Variants in LRRC4C observed in about 807,000 individuals in gnomAD.
The protein encoded by LRRC4C is leucine-rich repeat-containing protein 4C.
Under a neutral mutation model 33.6 loss-of-function variants are expected in LRRC4C, and 5 were observed. The observed-to-expected ratio is 0.15, with a 90% confidence interval of 0.08 to 0.31. The LOEUF is 0.31. Ranked by LOEUF, LRRC4C falls within the 10% of genes least tolerant of loss-of-function variation. The pLI is 1.00. For synonymous variants in LRRC4C, 329 were observed against 302.0 expected, an observed-to-expected ratio of 1.09 and a Z score of -0.93; for missense variants, 560 against 796.7, an observed-to-expected ratio of 0.70 and a Z score of 3.58.
At chr11:40,546,067 TTCC>T (rs1474419227) in intron 3 of LRRC4C, among the ~76,000 whole-genome samples, 2 of 130,094 alleles carry the variant, frequency 1.5e-5, no homozygotes, top group Non-Finnish European at 3.1e-5. Flanking sequence ...TCTTCCTTCC[TTCC>T]TTCCTTCCTT....
chr11:40,624,333 C>A (rs966782296), intron 3 of LRRC4C, among the ~76,000 whole-genome samples: 2 of 152,014 alleles, frequency 1.3e-5, no homozygotes, highest in Non-Finnish European at 2.9e-5. Context: ...CTCATTTTGT[C>A]CCCCATTACT....
chr11:40,269,235 A>G (rs1159282192), intron 4 of LRRC4C, among the ~76,000 whole-genome samples: 1 of 152,178 alleles, frequency 6.6e-6, no homozygotes, highest in African/African-American at 2.4e-5. Context: ...TAAAATCTCT[A>G]TTTAGCTTAA....
At chr11:40,257,112 C>T (rs755532363) in intron 4 of LRRC4C, among the ~76,000 whole-genome samples, 2 of 152,052 alleles carry the variant, frequency 1.3e-5, no homozygotes, top group African/African-American at 4.8e-5. Context: ...AATAAGTTGA[C>T]CCCTTGCCAA....
At chr11:40,305,122 G>A (rs905409693) in intron 4 of LRRC4C, among the ~76,000 whole-genome samples, 1 of 152,146 alleles carries the variant, frequency 6.6e-6, no homozygotes, top group Non-Finnish European at 1.5e-5. Context: ...CTCGAATAGG[G>A]CCTTGGCCCT....
At chr11:41,027,095 C>A (rs1258062714) in intron 1 of LRRC4C, among the ~76,000 whole-genome samples, 1 of 151,562 alleles carries the variant, frequency 6.6e-6, no homozygotes, top group Non-Finnish European at 1.5e-5. Context: ...AATAATGTAG[C>A]AAGTGCCTAA....
chr11:41,161,999 A>C (rs2136033113), intron 1 of LRRC4C, among the ~76,000 whole-genome samples: 1 of 152,306 alleles, frequency 6.6e-6, no homozygotes, highest in African/African-American at 2.4e-5. Context: ...TTATTTCTAT[A>C]GGATTGGAAT....
intron 4 of LRRC4C, among the ~76,000 whole-genome samples, chr11:40,318,494 A>T (rs1945685156): frequency 6.6e-6 from 1 of 152,152 alleles, no homozygotes. Flanking sequence ...CCTTCTACAG[A>T]TACTTGGCTT....
chr11:40,195,797 C>T (rs974022594), intron 5 of LRRC4C, among the ~76,000 whole-genome samples: 3 of 151,464 alleles, frequency 2.0e-5, no homozygotes, highest in Admixed American at 1.3e-4. Context: ...ATTTGATTAG[C>T]ATGTCCAAAA....
At chr11:40,701,721 T>G (rs778357156) in intron 2 of LRRC4C, among the ~76,000 whole-genome samples, 4 of 151,520 alleles carry the variant, frequency 2.6e-5, no homozygotes, top group Admixed American at 2.6e-4. Flanking sequence ...GTAACCAACA[T>G]GAAAAATCCT....
At chr11:40,128,422 A>C (rs887714245) in intron 6 of LRRC4C, among the ~76,000 whole-genome samples, 2 of 152,220 alleles carry the variant, frequency 1.3e-5, no homozygotes, top group Non-Finnish European at 2.9e-5. Flanking sequence ...ATTATATGTT[A>C]TCTTCATTTC....
At chr11:40,126,452 T>G (rs1205281549) in intron 6 of LRRC4C, among the ~76,000 whole-genome samples, 1 of 151,680 alleles carries the variant, frequency 6.6e-6, no homozygotes, top group Admixed American at 6.6e-5. Context: ...TGTGCTGGAG[T>G]GTATAATAAG....
chr11:40,519,424 A>C (rs1033612225), intron 3 of LRRC4C, among the ~76,000 whole-genome samples: 7 of 152,290 alleles, frequency 4.6e-5, no homozygotes, highest in African/African-American at 1.4e-4. Context: ...TACCAAAGAC[A>C]CAATGATTTC....
intron 4 of LRRC4C, among the ~76,000 whole-genome samples, chr11:40,313,439 T>C (rs954266644): frequency 1.3e-5 from 2 of 151,896 alleles, no homozygotes; most frequent in Non-Finnish European, 2.9e-5. Context: ...GGAAGGGCCA[T>C]CTGTTCAATA....
intron 4 of LRRC4C, among the ~76,000 whole-genome samples, chr11:40,318,825 G>A (rs901716569): frequency 1.3e-5 from 2 of 152,164 alleles, no homozygotes; most frequent in African/African-American, 4.8e-5. Flanking sequence ...ATAAATGGTA[G>A]TAGTCTACTA....
At chr11:40,450,830 A>C (rs2138073160) in intron 3 of LRRC4C, among the ~76,000 whole-genome samples, 1 of 151,922 alleles carries the variant, frequency 6.6e-6, no homozygotes, top group South Asian at 2.1e-4. Flanking sequence ...AGCCCAATGT[A>C]ATTAAATGAG....
At chr11:40,898,802 G>C (rs1291211332) in intron 2 of LRRC4C, among the ~76,000 whole-genome samples, 2 of 151,368 alleles carry the variant, frequency 1.3e-5, no homozygotes, top group African/African-American at 4.9e-5. Flanking sequence ...CCAACCACTC[G>C]TCCCAATTAA....
At chr11:40,257,885 C>A (rs1301550951) in intron 4 of LRRC4C, among the ~76,000 whole-genome samples, 1 of 152,112 alleles carries the variant, frequency 6.6e-6, no homozygotes, top group Non-Finnish European at 1.5e-5. Flanking sequence ...TTTCCCTGAA[C>A]TTCTTGTTCT....
At chr11:40,669,944 G>A (rs978708605) in intron 2 of LRRC4C, among the ~76,000 whole-genome samples, 2 of 152,046 alleles carry the variant, frequency 1.3e-5, no homozygotes, top group African/African-American at 4.8e-5. Flanking sequence ...ATACTATAAT[G>A]ACCTTTACCA....
At chr11:40,233,226 G>T (rs1206795080) in intron 5 of LRRC4C, among the ~76,000 whole-genome samples, 1 of 152,080 alleles carries the variant, frequency 6.6e-6, no homozygotes, top group African/African-American at 2.4e-5. Context: ...CCTTATGAAG[G>T]CCTATCTTGT....
Sources: gnomAD v4.1 joint callset for allele counts (sites outside exome capture counted in the v4.1 genomes callset) on GRCh38, gnomAD v4.1.1 for gene constraint, MANE v1.5 for transcripts, NCBI Gene and HGNC (gene_info 2026-07-23, HGNC 2026-07-21) for gene names.